Variants in FANCD2 observed in about 807,000 individuals in gnomAD.
FANCD2 encodes FA complementation group D2.
A neutral mutation model predicts 192.3 loss-of-function variants in FANCD2; 131 were observed. That is an observed-to-expected ratio of 0.68 (90% confidence interval 0.59 to 0.79). The LOEUF (loss-of-function observed/expected upper bound fraction) is 0.79, where lower values mean the gene tolerates loss of function less well. Among genes scored for constraint, FANCD2 ranks in the 30% least tolerant of loss-of-function variants. The pLI, the probability that FANCD2 is intolerant of heterozygous loss-of-function variation, is 0.00. For missense variants in FANCD2, 1,508 were observed against 1,701.6 expected, an observed-to-expected ratio of 0.89 and a Z score of 2.00; for synonymous variants, 524 against 612.5, an observed-to-expected ratio of 0.86 and a Z score of 2.13.
At chr3:10,035,316 T>A in intron 6 of FANCD2, 83 bp downstream of exon 6, 1 of 1,200,570 alleles carries the variant, frequency 8.3e-7, no homozygotes, top group South Asian at 1.2e-5. Flanking sequence ...GAACACAGGA[T>A]AGAGTAGGGT....
At chr3:10,059,427 A>G (rs1370657987) in intron 18 of FANCD2, among the ~76,000 whole-genome samples, 2 of 152,218 alleles carry the variant, frequency 1.3e-5, no homozygotes, top group Non-Finnish European at 2.9e-5. Context: ...ATAACAATAA[A>G]AGATATTATT....
chr3:10,050,541 T>A (rs1002124154), intron 17 of FANCD2, among the ~76,000 whole-genome samples: 3 of 143,632 alleles, frequency 2.1e-5, no homozygotes, highest in African/African-American at 7.9e-5. Flanking sequence ...GAGAATGGCG[T>A]GAACCCAGGA....
chr3:10,043,624 G>A (rs778178069), intron 13 of FANCD2, 32 bp downstream of exon 13: 14 of 1,502,864 alleles, frequency 9.3e-6, no homozygotes, highest in Non-Finnish European at 1.1e-5. Flanking sequence ...TTATCAAGGA[G>A]GAAATGAGTG....
At chr3:10,054,310 A>G (rs2087308451) in intron 18 of FANCD2, among the ~76,000 whole-genome samples, 1 of 146,742 alleles carries the variant, frequency 6.8e-6, no homozygotes, top group South Asian at 2.1e-4. Flanking sequence ...AGTAATTCAT[A>G]CTGGACTGTG....
At chr3:10,044,244 T>C (rs879062491) in intron 14 of FANCD2, among the ~76,000 whole-genome samples, 6 of 152,198 alleles carry the variant, frequency 3.9e-5, no homozygotes, top group African/African-American at 1.4e-4. Flanking sequence ...ACTGTCAAGA[T>C]AATGGCATTC....
Position 10,085,766 on chromosome 3 carries a change from A to G in FANCD2, c.3225-46A>G, listed in dbSNP as rs1280210181. On this transcript the variant is annotated intron_variant, in intron 32 of 43. Coordinates refer to ENST00000675286, the MANE Select transcript of FANCD2 (RefSeq NM_001018115.3). ...CAGGATCCTTAAATACTATCCAAGTAGTTTTCCAGAAACTAAGCTAACCCC... is the reference window on the plus strand; with the variant it reads ...CAGGATCCTTAAATACTATCCAAGTGGTTTTCCAGAAACTAAGCTAACCCC... 3 of 1,178,248 alleles carry G rather than the reference A, an allele frequency of 2.5e-6. No individual in the cohort carries two copies. The South Asian group carries it at 3.6e-5, about 14-fold the overall frequency. 73.0% of individuals were successfully genotyped at this position (1,178,248 alleles called of 1,614,324 possible).
intron 17 of FANCD2, among the ~76,000 whole-genome samples, chr3:10,051,289 G>A (rs1229135267): frequency 1.4e-5 from 2 of 147,930 alleles, no homozygotes; most frequent in African/African-American, 5.0e-5. Flanking sequence ...GCTGAGGCAG[G>A]AGAATGGCGT....
At chr3:10,052,846 T>C (rs2087258685) in intron 18 of FANCD2, among the ~76,000 whole-genome samples, 1 of 147,394 alleles carries the variant, frequency 6.8e-6, no homozygotes, top group South Asian at 2.3e-4. Context: ...TCACACCAGT[T>C]AGAATGGCAA....
intron 20 of FANCD2, among the ~76,000 whole-genome samples, 172 bp from the exon 21 acceptor site, chr3:10,063,619 AG>A (rs1386385905): frequency 6.6e-6 from 1 of 152,192 alleles, no homozygotes; most frequent in Non-Finnish European, 1.5e-5. Flanking sequence ...AGATTGGAAA[AG>A]GGATGATATC....
chr3:10,067,339 G>T, intron 26 of FANCD2, 22 bp downstream of exon 26: 1 of 1,415,184 alleles, frequency 7.1e-7, no homozygotes, highest in South Asian at 1.2e-5. Flanking sequence ...GTCCTATACT[G>T]GTAGTACTAC....
chr3:10,096,247 A>G (rs910207409), intron 41 of FANCD2, 79 bp from the exon 42 acceptor site: 21 of 1,471,264 alleles, frequency 1.4e-5, no homozygotes, highest in South Asian at 4.5e-5. Flanking sequence ...TTCTTATTCA[A>G]CATTCAAAGG....
chr3:10,030,764 G>C (rs527351820), intron 2 of FANCD2, among the ~76,000 whole-genome samples: 13 of 152,084 alleles, frequency 8.5e-5, no homozygotes, highest in Non-Finnish European at 1.9e-4. Context: ...GCTGGGCGTG[G>C]TGTCACGTGT....
chr3:10,055,119 T>C (rs182929401), intron 18 of FANCD2, among the ~76,000 whole-genome samples: 1 of 152,344 alleles, frequency 6.6e-6, no homozygotes, highest in Admixed American at 6.5e-5. Flanking sequence ...AAATCAGCAA[T>C]ATAAAACTAC....
intron 26 of FANCD2, among the ~76,000 whole-genome samples, chr3:10,072,220 T>C (rs977301626): frequency 2.0e-5 from 3 of 152,104 alleles, no homozygotes; most frequent in African/African-American, 4.8e-5. Context: ...GTGATTATTA[T>C]ACATTGTGTA....
intron 34 of FANCD2, among the ~76,000 whole-genome samples, chr3:10,088,228 G>A (rs1431658959): frequency 1.3e-5 from 2 of 152,134 alleles, no homozygotes; most frequent in African/African-American, 4.8e-5. Context: ...ATGGGGTTGG[G>A]GTGGGACGTG....
At chr3:10,087,956 T>C (rs1694324251) in intron 34 of FANCD2, among the ~76,000 whole-genome samples, 2 of 152,168 alleles carry the variant, frequency 1.3e-5, no homozygotes, top group Admixed American at 1.3e-4. Flanking sequence ...CCTGGCCTCT[T>C]TCTTAAACTG....
In FANCD2 at chr3:10,072,776, G is replaced by A. The variant is rs1346042211; in HGVS notation, c.2495-95G>A. ...CATTCAGCCATGCTTGGTAATTTTG[G>A]AAACTAGTTTTTAGCCAATGGAGTG... On this transcript the variant is annotated intron_variant, in intron 26 of 43. Coordinates refer to ENST00000675286, the MANE Select transcript of FANCD2 (RefSeq NM_001018115.3). 21 of 767,954 alleles carry A rather than the reference G, an allele frequency of 2.7e-5. No homozygotes were observed. The East Asian group carries it at 4.6e-4, about 17-fold the overall frequency. The allele number at this position is 767,954 out of a possible 1,614,324, so 47.6% of individuals were successfully genotyped here.
rs749142910 is a variant in FANCD2, at chr3:10,032,785, T to A, written c.65-47T>A. The A allele has an allele frequency of 2.0e-5, 31 of 1,539,708 alleles. 1 individual carries two copies. The Admixed American group carries it at 5.3e-4, about 26-fold the overall frequency. ...ATTATTCCTGGGTTTAAGTTTTAATTTTTCCTTTACTATTTGCCATATTCT... is the reference window on the plus strand; with the variant it reads ...ATTATTCCTGGGTTTAAGTTTTAATATTTCCTTTACTATTTGCCATATTCT... On this transcript the variant is annotated intron_variant, in intron 2 of 43. Coordinates refer to ENST00000675286, the MANE Select transcript of FANCD2 (RefSeq NM_001018115.3).
chr3:10,041,721 C>T lies in FANCD2; in HGVS notation c.783+11C>T. 2 of 1,605,728 alleles carry T rather than the reference C, an allele frequency of 1.2e-6. No homozygotes were observed. Among genetic ancestry groups the T allele is most frequent in the Non-Finnish European group, 1.7e-6 (2 of 1,172,462 alleles). The stretch of plus-strand genomic sequence containing the variant: ...AACTTCCTATTGAAGGTAGAAAAGA[C>T]TCAGCTTTCCAGAAACAGAGCCAGC... On this transcript the variant is annotated intron_variant, in intron 10 of 43. Transcript: ENST00000675286.
Sources: gnomAD v4.1 joint callset for allele counts (sites outside exome capture counted in the v4.1 genomes callset) on GRCh38, gnomAD v4.1.1 for gene constraint, MANE v1.5 for transcripts, NCBI Gene and HGNC (gene_info 2026-07-23, HGNC 2026-07-21) for gene names.